The following IL5 variants were observed in gnomAD, a reference collection of about 807,000 sequenced individuals.
IL5 encodes interleukin 5.
Under a neutral mutation model 16.3 loss-of-function variants are expected in IL5, and 12 were observed. The observed-to-expected ratio is 0.74, with a 90% confidence interval of 0.47 to 1.20. IL5 has a LOEUF of 1.20. Among genes scored for constraint, IL5 ranks in the 50% most tolerant of loss-of-function variants. The pLI is 0.00. For synonymous variants in IL5, 54 were observed against 56.6 expected (o/e 0.95, Z 0.21); for missense variants, 159 against 153.9 (o/e 1.03, Z -0.17).
At chr5:132,555,902 G>A (rs1401940933) in intron 1 of IL5, 4 of 152,098 alleles carry the variant, frequency 2.6e-5, no homozygotes, top group African/African-American at 9.7e-5. Context: ...CATTTGCTTT[G>A]CCAAGTAAGA....
chr5:132,549,941 A>C (rs1749858274), intron 1 of IL5, among the ~76,000 whole-genome samples: 1 of 152,256 alleles, frequency 6.6e-6, no homozygotes, highest in East Asian at 1.9e-4. Context: ...TGGTATAGCA[A>C]CTATCAGTTT....
chr5:132,543,621 G>A (rs1173773120), upstream of IL5: 2 of 665,008 alleles, frequency 3.0e-6, no homozygotes, highest in South Asian at 3.9e-5. Flanking sequence ...GGCATATCGT[G>A]AAACTAAATG....
chr5:132,546,264 T>A (rs1749785317), upstream of IL5, among the ~76,000 whole-genome samples: 1 of 152,156 alleles, frequency 6.6e-6, no homozygotes, highest in East Asian at 1.9e-4. Flanking sequence ...ACTCTTTTCA[T>A]CTTGCAAAAC....
chr5:132,546,923 G>C (rs911583680), upstream of IL5, among the ~76,000 whole-genome samples: 2 of 152,158 alleles, frequency 1.3e-5, no homozygotes, highest in Non-Finnish European at 2.9e-5. Context: ...CTACTCAGGA[G>C]GCTGAGGCAG....
At chr5:132,542,507 T>C (rs144287132) in intron 2 of IL5, among the ~76,000 whole-genome samples, 46 of 152,308 alleles carry the variant, frequency 3.0e-4, no homozygotes, top group African/African-American at 1.1e-3. Flanking sequence ...GTTTTGGAAG[T>C]GTAATGCATT....
At chr5:132,551,608 G>T (rs1749884386) in intron 1 of IL5, among the ~76,000 whole-genome samples, 1 of 152,136 alleles carries the variant, frequency 6.6e-6, no homozygotes, top group Admixed American at 6.5e-5. Context: ...CAGGGTTGGT[G>T]CCCACCTCGC....
At chr5:132,549,109 G>A (rs1009256389) in intron 1 of IL5, among the ~76,000 whole-genome samples, 1 of 152,106 alleles carries the variant, frequency 6.6e-6, no homozygotes, top group African/African-American at 2.4e-5. Flanking sequence ...AGGCTAGAGG[G>A]CAGTGGTGCA....
chr5:132,550,613 C>A (rs937354054), intron 1 of IL5, among the ~76,000 whole-genome samples: 1 of 51,920 alleles, frequency 1.9e-5, no homozygotes, highest in African/African-American at 4.7e-5. Flanking sequence ...TGAGCCAATG[C>A]GCCTGGCCAG....
At chr5:132,543,578 T>C, upstream of IL5, 1 of 1,245,742 alleles carries the variant, frequency 8.0e-7, no homozygotes, top group Admixed American at 2.7e-5. Flanking sequence ...AAATGAATAA[T>C]TTCTAACAAT....
upstream of IL5, among the ~76,000 whole-genome samples, chr5:132,545,826 A>C (rs1239775068): frequency 6.6e-6 from 1 of 152,142 alleles, no homozygotes; most frequent in Non-Finnish European, 1.5e-5. Context: ...AGGCTGAGGC[A>C]GGAGAATTGC....
At chr5:132,545,949 C>A (rs1334337236), upstream of IL5, among the ~76,000 whole-genome samples, 1 of 151,500 alleles carries the variant, frequency 6.6e-6, no homozygotes, top group African/African-American at 2.4e-5. Flanking sequence ...AAACAAAAAG[C>A]ACAACAACAA....
intron 2 of IL5, 61 bp downstream of exon 2, chr5:132,543,033 G>C: frequency 7.9e-7 from 1 of 1,259,068 alleles, no homozygotes; most frequent in Non-Finnish European, 1.2e-6. Flanking sequence ...ATGATTTACA[G>C]CTTAAAACAG....
intron 1 of IL5, among the ~76,000 whole-genome samples, chr5:132,548,914 A>G (rs193223990): frequency 2.3e-3 from 357 of 152,360 alleles, no homozygotes; most frequent in Non-Finnish European, 4.0e-3. Context: ...GGCCAGAAAT[A>G]TGCCATAGGA....
chr5:132,556,604 T>A (rs1021237590), intron 1 of IL5: 16 of 1,017,836 alleles, frequency 1.6e-5, no homozygotes, highest in Non-Finnish European at 2.0e-5. Context: ...ATGTGATCAC[T>A]GGAAATTACT....
chr5:132,543,141 A>C lies in IL5; in HGVS notation c.145-15T>G. 6.2e-7 allele frequency: 1 copy of C among 1,604,984 alleles called. No homozygotes were observed. Among genetic ancestry groups the C allele is most frequent in the South Asian group, 1.1e-5 (1 of 90,322 alleles). ...ATCCTCAGAGTCTGGAGAGGAAAGG[A>C]AATACAATCATTTTTACAGCACACC... On this transcript the variant is annotated splice_polypyrimidine_tract_variant and intron_variant, in intron 1 of 3. Transcript: ENST00000231454.
chr5:132,547,144 C>T (rs1000046035), upstream of IL5, among the ~76,000 whole-genome samples: 4 of 152,196 alleles, frequency 2.6e-5, no homozygotes, highest in Admixed American at 2.0e-4. Flanking sequence ...GGAGATGGAA[C>T]ACAACCCCCT....
intron 1 of IL5, among the ~76,000 whole-genome samples, chr5:132,551,898 C>T (rs1369421091): frequency 1.3e-5 from 2 of 151,964 alleles, no homozygotes; most frequent in East Asian, 1.9e-4. Context: ...TTTCTAAGAA[C>T]GAATCCATAC....
intron 3 of IL5, 52 bp from the exon 4 acceptor site, chr5:132,541,961 T>C (rs1429224130): frequency 1.9e-6 from 3 of 1,612,388 alleles, no homozygotes; most frequent in East Asian, 2.2e-5. Context: ...GTCAATTCCA[T>C]AGAAATAGGC....
chr5:132,548,849 A>G (rs1749836689), intron 1 of IL5, among the ~76,000 whole-genome samples: 1 of 152,126 alleles, frequency 6.6e-6, no homozygotes, highest in African/African-American at 2.4e-5. Context: ...AATTGTTTCA[A>G]TGTTTAATAT....
Sources: allele counts gnomAD v4.1 joint callset (sites outside exome capture counted in the v4.1 genomes callset), GRCh38; gene constraint gnomAD v4.1.1; transcripts MANE v1.5; gene names NCBI Gene and HGNC (gene_info 2026-07-23, HGNC 2026-07-21).